PEAK1: variants seen among roughly 807,000 people sequenced by gnomAD.
PEAK1 encodes the protein inactive tyrosine-protein kinase PEAK1.
A neutral mutation model predicts 124.7 loss-of-function variants in PEAK1; 54 were observed. The observed-to-expected ratio is 0.43, with a 90% CI of 0.35 to 0.54. The LOEUF is 0.54. Among genes scored for constraint, PEAK1 ranks in the 20% least tolerant of loss-of-function variants. The probability of loss-of-function intolerance (pLI) is 0.01; values close to 1 mark genes in which losing one functional copy is unlikely to be tolerated. For synonymous variants in PEAK1, 719 were observed against 760.0 expected (o/e 0.95, Z 0.89); for missense variants, 2,046 against 2,134.5 (o/e 0.96, Z 0.82).
chr15:77,343,002 A>G (rs1030338373), intron 2 of PEAK1, among the ~76,000 whole-genome samples: 2 of 152,196 alleles, frequency 1.3e-5, no homozygotes, highest in Non-Finnish European at 2.9e-5. Flanking sequence ...GGATCATATG[A>G]TAGTTCTATT....
intron 1 of PEAK1, among the ~76,000 whole-genome samples, chr15:77,386,004 A>G (rs10152181): frequency 0.66 from 99,715 of 152,004 alleles, 33,661 homozygotes; most frequent in Non-Finnish European, 0.75. Context: ...CTCTTCATGA[A>G]GATAAAAATG....
Position 77,351,983 on chromosome 15 carries a change from G to T in PEAK1, c.-603+13180C>A. The T allele has an allele frequency of 5.1e-6, 5 of 977,104 alleles. 1 individual carries two copies. The highest frequency in any genetic ancestry group is 5.3e-4 in the Middle Eastern group (1 of 1,892). 60.5% of individuals were successfully genotyped at this position (977,104 alleles called of 1,614,324 possible). On this transcript the variant is annotated intron_variant, in intron 2 of 9. Transcript: ENST00000682557. ...TGCCTATAATACCAGCAATTTGGGAGGCCAAGGCGGGAGTATAGCTTGAGC... is the reference window on the plus strand; with the variant it reads ...TGCCTATAATACCAGCAATTTGGGATGCCAAGGCGGGAGTATAGCTTGAGC...
intron 1 of PEAK1, among the ~76,000 whole-genome samples, chr15:77,400,014 A>C (rs1194754831): frequency 6.6e-6 from 1 of 152,198 alleles, no homozygotes; most frequent in Admixed American, 6.5e-5. Flanking sequence ...AGATCTCTAT[A>C]GATATTTCTC....
At chr15:77,322,902 G>A (rs776877967) in intron 2 of PEAK1, among the ~76,000 whole-genome samples, 6 of 152,114 alleles carry the variant, frequency 3.9e-5, no homozygotes, top group South Asian at 2.1e-4. Context: ...CTAGCAAACC[G>A]AATCCAGCAG....
chr15:77,213,623 AG>A, intron 6 of PEAK1, among the ~76,000 whole-genome samples: 1 of 152,152 alleles, frequency 6.6e-6, no homozygotes. Flanking sequence ...TAGGTGGCAG[AG>A]GGTGCAGTGA....
chr15:77,404,473 T>C (rs2071637029), intron 1 of PEAK1: 2 of 479,684 alleles, frequency 4.2e-6, no homozygotes, highest in African/African-American at 2.1e-5. Flanking sequence ...ATTGATTATA[T>C]TGATGGCATG....
chr15:77,205,474 T>A (rs911845458), intron 6 of PEAK1, among the ~76,000 whole-genome samples: 1 of 152,138 alleles, frequency 6.6e-6, no homozygotes, highest in Non-Finnish European at 1.5e-5. Context: ...CAGTTCTGCA[T>A]TTAATCTCTT....
At chr15:77,243,289 A>G (rs1002199776) in intron 6 of PEAK1, among the ~76,000 whole-genome samples, 2 of 152,218 alleles carry the variant, frequency 1.3e-5, no homozygotes, top group African/African-American at 4.8e-5. Flanking sequence ...AATGAATGCA[A>G]CTCATATCTG....
intron 2 of PEAK1, among the ~76,000 whole-genome samples, chr15:77,311,239 C>T (rs1483707259): frequency 6.6e-6 from 1 of 152,124 alleles, no homozygotes; most frequent in East Asian, 1.9e-4. Context: ...AGGCTGGGTA[C>T]AGGAATTCTT....
chr15:77,405,534 G>C (rs1221933121), intron 1 of PEAK1, among the ~76,000 whole-genome samples: 1 of 152,084 alleles, frequency 6.6e-6, no homozygotes, highest in Non-Finnish European at 1.5e-5. Flanking sequence ...CTCCACTTGA[G>C]ATCTTTAGCC....
intron 6 of PEAK1, among the ~76,000 whole-genome samples, chr15:77,231,994 G>A (rs1405728006): frequency 6.6e-6 from 1 of 152,102 alleles, no homozygotes; most frequent in Non-Finnish European, 1.5e-5. Flanking sequence ...CTACTATTAT[G>A]ACCCAAAGCA....
intron 2 of PEAK1, chr15:77,335,348 T>C (rs951115757): frequency 1.0e-5 from 10 of 985,304 alleles, no homozygotes; most frequent in Non-Finnish European, 1.2e-5. Context: ...ACATGCAGTG[T>C]TTTTCCCATT....
At chr15:77,414,639 C>T (rs2072728693) in intron 1 of PEAK1, among the ~76,000 whole-genome samples, 1 of 152,124 alleles carries the variant, frequency 6.6e-6, no homozygotes, top group Admixed American at 6.5e-5. Context: ...TTTAACCTTT[C>T]TAATCCTCAG....
chr15:77,394,007 G>A (rs1386665873), intron 1 of PEAK1, among the ~76,000 whole-genome samples: 1 of 152,192 alleles, frequency 6.6e-6, no homozygotes, highest in African/African-American at 2.4e-5. Context: ...CCACGGGCCT[G>A]GGACAATGAT....
intron 6 of PEAK1, among the ~76,000 whole-genome samples, chr15:77,219,236 C>T (rs933868087): frequency 6.6e-6 from 1 of 151,670 alleles, no homozygotes; most frequent in Non-Finnish European, 1.5e-5. Context: ...ACTAGGCTAG[C>T]GGCAGAAAGA....
chr15:77,318,700 T>C (rs2065021622), intron 2 of PEAK1, among the ~76,000 whole-genome samples: 1 of 151,950 alleles, frequency 6.6e-6, no homozygotes, highest in Non-Finnish European at 1.5e-5. Flanking sequence ...TATAATTTAT[T>C]AATTAGAATA....
At chr15:77,176,369 C>T (rs533705058) in intron 7 of PEAK1, among the ~76,000 whole-genome samples, 3 of 150,868 alleles carry the variant, frequency 2.0e-5, no homozygotes, top group Non-Finnish European at 4.4e-5. Flanking sequence ...TTTACTCAGA[C>T]TATAGCATGT....
In PEAK1 at chr15:77,115,154, C is replaced by T; in HGVS notation, c.4243G>A (p.Glu1415Lys). Residue 1415 changes from glutamate to lysine, a missense_variant, in exon 10 of 10, where the codon GAG (glutamate) becomes AAG (lysine). Physicochemically the swap from Glu to Lys is moderately conservative, Grantham distance 56. Transcript: ENST00000682557. ...TCTTCAGTCTCTTCCATGTCATCCT[C>T]ATCCTTTTCAGGGTCATCTGGATCC... is the stretch of plus-strand genomic sequence containing the variant. ...WEDPDDPEKD[E>K]DDMEETEEDA... 3 of 1,614,162 alleles carry T rather than the reference C, an allele frequency of 1.9e-6. No individual in the cohort carries two copies. Among genetic ancestry groups the T allele is most frequent in the Non-Finnish European group, 2.5e-6 (3 of 1,180,020 alleles).
chr15:77,264,338 T>C (rs1029240310), intron 5 of PEAK1, among the ~76,000 whole-genome samples: 20 of 152,134 alleles, frequency 1.3e-4, no homozygotes, highest in Non-Finnish European at 1.9e-4. Context: ...GATGACATGA[T>C]TGTATATCTA....
Sources: gnomAD v4.1 joint callset for allele counts (sites outside exome capture counted in the v4.1 genomes callset) on GRCh38, gnomAD v4.1.1 for gene constraint, MANE v1.5 for transcripts, NCBI Gene and HGNC (gene_info 2026-07-23, HGNC 2026-07-21) for gene names.